TBC1D22A: variants seen among roughly 807,000 people sequenced by gnomAD.
TBC1D22A encodes TBC1 domain family member 22A.
Under a neutral mutation model 60.2 loss-of-function variants are expected in TBC1D22A, and 38 were observed. The observed-to-expected ratio is 0.63, with a 90% CI of 0.49 to 0.83. The LOEUF is 0.83. Ranked by LOEUF, TBC1D22A falls within the 40% of genes least tolerant of loss-of-function variation. The probability of loss-of-function intolerance (pLI) is 0.00; values close to 1 mark genes in which losing one functional copy is unlikely to be tolerated. For synonymous variants in TBC1D22A, 302 were observed against 281.7 expected (o/e 1.07, Z -0.72); for missense variants, 628 against 701.0 (o/e 0.90, Z 1.18).
At chr22:46,896,440 T>C (rs2147643478) in intron 7 of TBC1D22A, among the ~76,000 whole-genome samples, 1 of 152,316 alleles carries the variant, frequency 6.6e-6, no homozygotes, top group Admixed American at 6.5e-5. Context: ...CACATGAAGG[T>C]GTTCACCCAG....
At chr22:46,851,656 C>G (rs2087283699) in intron 4 of TBC1D22A, among the ~76,000 whole-genome samples, 1 of 152,242 alleles carries the variant, frequency 6.6e-6, no homozygotes, top group African/African-American at 2.4e-5. Flanking sequence ...CATCAGGATT[C>G]AATGCAGTGA....
chr22:46,976,185 C>G (rs533486014), intron 9 of TBC1D22A, among the ~76,000 whole-genome samples: 3 of 152,306 alleles, frequency 2.0e-5, no homozygotes, highest in South Asian at 4.1e-4. Context: ...TAAATAAAAT[C>G]TGCTGTACAA....
chr22:47,033,809 C>T (rs982875086), intron 10 of TBC1D22A, among the ~76,000 whole-genome samples: 1 of 152,136 alleles, frequency 6.6e-6, no homozygotes, highest in African/African-American at 2.4e-5. Context: ...CACCTGGTGC[C>T]ACCGCAGGAG....
intron 6 of TBC1D22A, among the ~76,000 whole-genome samples, chr22:46,892,634 A>G (rs1312187459): frequency 1.3e-5 from 2 of 152,138 alleles, no homozygotes; most frequent in Non-Finnish European, 2.9e-5. Context: ...TTGCCACTCC[A>G]CTGGTTTTAG....
At chr22:46,972,693 G>A (rs2074118323) in intron 8 of TBC1D22A, among the ~76,000 whole-genome samples, 1 of 152,202 alleles carries the variant, frequency 6.6e-6, no homozygotes, top group South Asian at 2.1e-4. Context: ...GTGATGCAAA[G>A]GCTCTGGAAC....
intron 12 of TBC1D22A, among the ~76,000 whole-genome samples, chr22:47,159,963 A>G (rs2067907386): frequency 1.5e-5 from 2 of 129,806 alleles, no homozygotes; most frequent in Non-Finnish European, 3.3e-5. Flanking sequence ...CAGCACACAT[A>G]CAAACCATAC....
intron 4 of TBC1D22A, among the ~76,000 whole-genome samples, chr22:46,819,632 G>A (rs907155528): frequency 6.6e-6 from 1 of 152,184 alleles, no homozygotes; most frequent in East Asian, 1.9e-4. Context: ...TGCTGGATTT[G>A]GTTCGCCAGT....
chr22:47,071,566 A>G (rs2063990534), intron 11 of TBC1D22A, among the ~76,000 whole-genome samples: 1 of 152,212 alleles, frequency 6.6e-6, no homozygotes, highest in Non-Finnish European at 1.5e-5. Flanking sequence ...TCAAAGTTAC[A>G]ACGGGAAGCC....
intron 5 of TBC1D22A, among the ~76,000 whole-genome samples, chr22:46,886,732 T>C (rs547861645): frequency 3.9e-5 from 6 of 152,216 alleles, no homozygotes; most frequent in Non-Finnish European, 8.8e-5. Context: ...ATGGATGTTT[T>C]AGAGCACGGT....
Position 46,895,248 on chromosome 22 carries a change from T to TTTTATGTTTAC in TBC1D22A, c.900+403_900+413dup, listed in dbSNP as rs1228049717. On this transcript the variant is annotated intron_variant, in intron 7 of 12. Coordinates refer to ENST00000337137, the MANE Select transcript of TBC1D22A (RefSeq NM_014346.5). ...CCTTCCTGGATGACGCTTTCTTGCC[T>TTTTATGTTTAC]TTTATGTTTACGATTCTTTGTGACT... Among the ~76,000 whole-genome samples the TTTTATGTTTAC allele has an allele frequency of 3.9e-5, 6 of 152,114 alleles. No homozygotes were observed. The South Asian group carries it at 1.2e-3, about 32-fold the overall frequency.
At chr22:47,044,162 C>G (rs892198466) in intron 11 of TBC1D22A, among the ~76,000 whole-genome samples, 1 of 152,222 alleles carries the variant, frequency 6.6e-6, no homozygotes, top group Non-Finnish European at 1.5e-5. Flanking sequence ...TCAGGCCCTG[C>G]CCTTCCCTGC....
chr22:47,093,093 T>A (rs2065040947), intron 11 of TBC1D22A, among the ~76,000 whole-genome samples: 1 of 152,226 alleles, frequency 6.6e-6, no homozygotes, highest in Non-Finnish European at 1.5e-5. Flanking sequence ...CACAGTCTAC[T>A]TGAGCTTGTA....
At chr22:47,029,226 C>G (rs1156238285) in intron 10 of TBC1D22A, among the ~76,000 whole-genome samples, 1 of 143,928 alleles carries the variant, frequency 6.9e-6, no homozygotes, top group Admixed American at 6.8e-5. Flanking sequence ...TACCCCTTCC[C>G]ATGGGCCCAG....
chr22:47,080,150 AGTAG>A (rs2064404301), intron 11 of TBC1D22A, among the ~76,000 whole-genome samples: 1 of 139,028 alleles, frequency 7.2e-6, no homozygotes, highest in Admixed American at 7.7e-5. Flanking sequence ...ACTTGAAGGG[AGTAG>A]ATAAACTAGT....
chr22:47,140,119 A>G (rs2067023602), intron 12 of TBC1D22A, among the ~76,000 whole-genome samples: 1 of 152,188 alleles, frequency 6.6e-6, no homozygotes, highest in South Asian at 2.1e-4. Context: ...ATTGGGAGCC[A>G]CAGACCTAAT....
intron 8 of TBC1D22A, among the ~76,000 whole-genome samples, chr22:46,972,309 T>A (rs997460916): frequency 6.6e-6 from 1 of 152,222 alleles, no homozygotes; most frequent in Non-Finnish European, 1.5e-5. Context: ...CACTCATGTC[T>A]GTGCCTGGTG....
At chr22:47,170,664 C>A (rs4823609) in intron 12 of TBC1D22A, among the ~76,000 whole-genome samples, 44 of 116,658 alleles carry the variant, frequency 3.8e-4, no homozygotes, top group East Asian at 3.1e-3. Flanking sequence ...GTGTGTAACC[C>A]TCCTGATGCA....
Position 47,111,499 on chromosome 22 carries a change from C to G in TBC1D22A, c.1330-9C>G. 1 of 1,608,778 alleles carries G rather than the reference C, an allele frequency of 6.2e-7. No individual in the cohort carries two copies. Among genetic ancestry groups the G allele is most frequent in the Non-Finnish European group, 8.5e-7 (1 of 1,178,498 alleles). ...ACAATTTCTCTCTTGGTTATTTTTT[C>G]TCTTTTAGTCTGAACCGGACGGCTT... On this transcript the variant is annotated splice_polypyrimidine_tract_variant and intron_variant, in intron 11 of 12. Transcript: ENST00000337137.
intron 11 of TBC1D22A, among the ~76,000 whole-genome samples, chr22:47,038,966 T>G (rs2062747961): frequency 6.6e-6 from 1 of 152,216 alleles, no homozygotes; most frequent in African/African-American, 2.4e-5. Context: ...TCCTGTAAAT[T>G]GCGAATGCTG....
Sources: gnomAD v4.1 joint callset for allele counts (sites outside exome capture counted in the v4.1 genomes callset) on GRCh38, gnomAD v4.1.1 for gene constraint, MANE v1.5 for transcripts, NCBI Gene and HGNC (gene_info 2026-07-23, HGNC 2026-07-21) for gene names.